Variants in RBFOX1 observed in about 807,000 individuals in gnomAD.
RBFOX1 encodes RNA binding fox-1 homolog 1.
A neutral mutation model predicts 57.7 loss-of-function variants in RBFOX1; 8 were observed. The observed-to-expected ratio is 0.14, with a 90% CI of 0.08 to 0.25. The LOEUF (loss-of-function observed/expected upper bound fraction) is 0.25, where lower values mean the gene tolerates loss of function less well. RBFOX1 is among the 10% of genes least tolerant of loss of function. RBFOX1 has a pLI of 1.00. For missense variants in RBFOX1, 611 were observed against 548.5 expected (o/e 1.11, Z -1.14); for synonymous variants, 326 against 222.4 (o/e 1.47, Z -4.15).
chr16:7,291,127 G>T (rs2095763200), intron 4 of RBFOX1, among the ~76,000 whole-genome samples: 1 of 152,134 alleles, frequency 6.6e-6, no homozygotes, highest in South Asian at 2.1e-4. Context: ...TAGGTTCAAG[G>T]TGACCAGTAT....
chr16:6,498,914 T>C (rs114278292), intron 2 of RBFOX1, among the ~76,000 whole-genome samples: 284 of 152,330 alleles, frequency 1.9e-3, no homozygotes, highest in African/African-American at 6.1e-3. Flanking sequence ...TATAGGCTTA[T>C]ACGGCAAGTA....
At position 5,768,875 on chromosome 16, in the gene RBFOX1, T is replaced by G. The variant is rs191179015; in HGVS notation, c.319-98428T>G. 3.9e-5 allele frequency among the ~76,000 whole-genome samples: 6 copies of G among 152,196 alleles called. No homozygotes were observed. The East Asian group carries it at 7.7e-4, about 20-fold the overall frequency. ...ACACGGACCATCACTGTTTTTTGTT[T>G]GTTTGTTTGTTTGTTTTCCCCCTGT... is the stretch of plus-strand genomic sequence containing the variant. On this transcript the variant is annotated intron_variant, in intron 3 of 19. Transcript: ENST00000641259.
chr16:6,756,710 G>T (rs1049762733), intron 3 of RBFOX1, among the ~76,000 whole-genome samples: 4 of 152,122 alleles, frequency 2.6e-5, no homozygotes, highest in Non-Finnish European at 5.9e-5. Context: ...GGTGGTTCAC[G>T]CCTGTAATCC....
chr16:5,919,536 G>T (rs1048157185), intron 4 of RBFOX1, among the ~76,000 whole-genome samples: 1 of 152,078 alleles, frequency 6.6e-6, no homozygotes, highest in African/African-American at 2.4e-5. Flanking sequence ...TAGAGACGGG[G>T]TTTCCCCATG....
intron 4 of RBFOX1, among the ~76,000 whole-genome samples, chr16:7,310,965 G>C (rs1243089792): frequency 6.6e-6 from 1 of 152,198 alleles, no homozygotes. Context: ...ACTTCCGCTT[G>C]GCCTGCTGGA....
chr16:6,860,382 C>G (rs775361306), intron 3 of RBFOX1, among the ~76,000 whole-genome samples: 1 of 152,132 alleles, frequency 6.6e-6, no homozygotes, highest in Non-Finnish European at 1.5e-5. Context: ...TTTGTTATTT[C>G]AAACTCTTCA....
At chr16:6,499,175 C>T (rs1178230811) in intron 2 of RBFOX1, among the ~76,000 whole-genome samples, 1 of 152,158 alleles carries the variant, frequency 6.6e-6, no homozygotes, top group Non-Finnish European at 1.5e-5. Flanking sequence ...GACTGCATCT[C>T]CTCCTATTGA....
intron 4 of RBFOX1, among the ~76,000 whole-genome samples, chr16:7,480,741 A>C (rs896247530): frequency 9.9e-5 from 15 of 152,154 alleles, no homozygotes; most frequent in Admixed American, 9.2e-4. Context: ...CACAGGCTTG[A>C]CTGCAAGGGG....
chr16:7,181,905 A>C (rs1236779466), intron 4 of RBFOX1, among the ~76,000 whole-genome samples: 1 of 152,168 alleles, frequency 6.6e-6, no homozygotes, highest in Non-Finnish European at 1.5e-5. Context: ...AGTGGTTCTT[A>C]CGTAATTTCT....
chr16:6,448,202 C>T (rs2094526245), intron 2 of RBFOX1, among the ~76,000 whole-genome samples: 1 of 117,312 alleles, frequency 8.5e-6, no homozygotes, highest in African/African-American at 3.3e-5. Context: ...CTCTGTTGCC[C>T]AGGCTGGAAT....
chr16:6,991,161 A>AAAC, intron 3 of RBFOX1, among the ~76,000 whole-genome samples: 1 of 140,006 alleles, frequency 7.1e-6, no homozygotes, highest in East Asian at 2.3e-4. Context: ...AAAAAAAAAA[A>AAAC]AGACACGGTG....
intron 3 of RBFOX1, among the ~76,000 whole-genome samples, chr16:5,850,618 T>C (rs1223334786): frequency 6.6e-6 from 1 of 152,190 alleles, no homozygotes; most frequent in Non-Finnish European, 1.5e-5. Flanking sequence ...CGGTGTCTTA[T>C]GTGCATGATC....
chr16:5,889,683 G>A (rs899257064), intron 4 of RBFOX1, among the ~76,000 whole-genome samples: 3 of 152,212 alleles, frequency 2.0e-5, no homozygotes, highest in Non-Finnish European at 2.9e-5. Flanking sequence ...AAAAGCCAAC[G>A]TGGAGGAGCG....
intron 4 of RBFOX1, among the ~76,000 whole-genome samples, chr16:7,167,163 T>A (rs2079736290): frequency 6.6e-6 from 1 of 151,228 alleles, no homozygotes; most frequent in South Asian, 2.1e-4. Context: ...TTTTTGTGTT[T>A]TTAGTAGAGA....
intron 2 of RBFOX1, among the ~76,000 whole-genome samples, chr16:5,543,860 A>C (rs1345658466): frequency 6.6e-6 from 1 of 152,228 alleles, no homozygotes; most frequent in East Asian, 1.9e-4. Flanking sequence ...AAATAATTCA[A>C]GTGTAAAGAT....
chr16:6,763,818 G>GTC (rs201696361), intron 3 of RBFOX1, among the ~76,000 whole-genome samples: 1,966 of 152,278 alleles, frequency 0.013, 54 homozygotes, highest in African/African-American at 0.045. Flanking sequence ...ATAGCAAATG[G>GTC]TCTTTTGTTG....
At chr16:7,377,674 C>T (rs1490041387) in intron 4 of RBFOX1, among the ~76,000 whole-genome samples, 8 of 152,126 alleles carry the variant, frequency 5.3e-5, no homozygotes, top group Non-Finnish European at 1.0e-4. Context: ...TTCATTAATT[C>T]ATTCCACATA....
intron 1 of RBFOX1, among the ~76,000 whole-genome samples, chr16:5,283,406 C>A (rs775809229): frequency 1.3e-5 from 2 of 152,144 alleles, no homozygotes; most frequent in Non-Finnish European, 2.9e-5. Flanking sequence ...ACAGCTTGTA[C>A]TGTGTGCCTG....
chr16:7,675,659 C>T (rs2073060185), intron 13 of RBFOX1, among the ~76,000 whole-genome samples: 1 of 152,276 alleles, frequency 6.6e-6, no homozygotes, highest in East Asian at 1.9e-4. Flanking sequence ...TATGTCTTAT[C>T]GTATTTAGTT....
Sources: allele counts gnomAD v4.1 joint callset (sites outside exome capture counted in the v4.1 genomes callset), GRCh38; gene constraint gnomAD v4.1.1; transcripts MANE v1.5; gene names NCBI Gene and HGNC (gene_info 2026-07-23, HGNC 2026-07-21).